Variants in CTNND2 observed in about 807,000 individuals in gnomAD.
The protein encoded by CTNND2 is catenin delta-2.
A neutral mutation model predicts 144.4 loss-of-function variants in CTNND2; 22 were observed. The observed-to-expected ratio is 0.15, with a 90% confidence interval of 0.11 to 0.22. CTNND2 has a LOEUF of 0.22. Among genes scored for constraint, CTNND2 ranks in the 10% least tolerant of loss-of-function variants. The pLI is 1.00. For missense variants in CTNND2, 1,353 were observed against 1,618.8 expected (o/e 0.84, Z 2.82); for synonymous variants, 751 against 695.6 (o/e 1.08, Z -1.25).
At chr5:11,662,044 CATAT>C (rs137864008) in intron 2 of CTNND2, among the ~76,000 whole-genome samples, 1 of 149,758 alleles carries the variant, frequency 6.7e-6, no homozygotes, top group African/African-American at 2.5e-5. Context: ...CACACACACA[CATAT>C]ATATACATAT....
chr5:11,548,081 A>G (rs957694554), intron 3 of CTNND2, among the ~76,000 whole-genome samples: 1 of 152,240 alleles, frequency 6.6e-6, no homozygotes. Context: ...ATGAACTACC[A>G]GCACCCACGA....
At position 11,364,763 on chromosome 5, in the gene CTNND2, C is replaced by T. The variant is rs1756801869; in HGVS notation, c.1305G>A (p.Arg435=). The stretch of plus-strand genomic sequence containing the variant: ...GGTCCCCCTGGCTCTGGCTGAGACT[C>T]CTCATAGGGGGCTTCTGATAGACGC... ...EDRVYQKPPM[R]SLSQSQGDPL... The change falls in exon 8 of 22, where the codon AGG becomes AGA. Residue 435 remains arginine (R), a synonymous_variant. Coordinates refer to ENST00000304623, the MANE Select transcript of CTNND2 (RefSeq NM_001332.4). 2 of 1,613,908 alleles carry T rather than the reference C, an allele frequency of 1.2e-6. No homozygotes were observed. The highest frequency in any genetic ancestry group is 1.7e-6 in the Non-Finnish European group (2 of 1,179,940).
chr5:11,271,569 T>A (rs191384956), intron 9 of CTNND2, among the ~76,000 whole-genome samples: 2 of 152,176 alleles, frequency 1.3e-5, no homozygotes, highest in African/African-American at 4.8e-5. Context: ...ATGTTGAGAA[T>A]ATCGCCCCCT....
chr5:11,681,813 AATT>A (rs1355284060), intron 2 of CTNND2, among the ~76,000 whole-genome samples: 2 of 152,220 alleles, frequency 1.3e-5, no homozygotes, highest in Admixed American at 1.3e-4. Context: ...CAAGTTTACT[AATT>A]ACCTGCTTTG....
At chr5:11,146,521 C>T (rs1757260215) in intron 12 of CTNND2, among the ~76,000 whole-genome samples, 1 of 152,278 alleles carries the variant, frequency 6.6e-6, no homozygotes, top group South Asian at 2.1e-4. Context: ...GAAAAAAAGA[C>T]ATAATATATC....
chr5:11,405,160 G>T (rs1760989435), intron 5 of CTNND2, among the ~76,000 whole-genome samples: 1 of 149,852 alleles, frequency 6.7e-6, no homozygotes, highest in East Asian at 2.0e-4. Flanking sequence ...ACAATTTCAA[G>T]ACCAGGAAAT....
intron 2 of CTNND2, among the ~76,000 whole-genome samples, chr5:11,698,792 A>G (rs1785259025): frequency 6.6e-6 from 1 of 152,066 alleles, no homozygotes; most frequent in Non-Finnish European, 1.5e-5. Context: ...AGTTTAAAGT[A>G]AGAATTGTCC....
At chr5:11,063,839 T>G (rs1747261977) in intron 16 of CTNND2, among the ~76,000 whole-genome samples, 1 of 152,000 alleles carries the variant, frequency 6.6e-6, no homozygotes, top group Non-Finnish European at 1.5e-5. Context: ...CCAAAAGTCT[T>G]TTAGAGAGTT....
intron 2 of CTNND2, among the ~76,000 whole-genome samples, chr5:11,718,993 G>A (rs144701396): frequency 4.5e-4 from 69 of 152,302 alleles, no homozygotes; most frequent in Admixed American, 1.3e-3. Context: ...GAGGAGCACA[G>A]ATTTCCATGG....
At chr5:11,841,235 A>G (rs1794452512) in intron 1 of CTNND2, among the ~76,000 whole-genome samples, 1 of 152,182 alleles carries the variant, frequency 6.6e-6, no homozygotes. Context: ...TTTATTTCTC[A>G]TGCCAGCCCC....
chr5:11,655,906 T>C lies in CTNND2; in HGVS notation c.174+76230A>G, dbSNP rs73059711. Among the ~76,000 whole-genome samples the C allele has an allele frequency of 2.1e-3, 321 of 152,212 alleles. 6 individuals are homozygous for C. The highest frequency in any genetic ancestry group is 7.4e-3 in the African/African-American group (309 of 41,550). ...TCTTTCAATGATGACACACACTCAT[T>C]TGGTTTCTAATACGGGACGTACTGA... On this transcript the variant is annotated intron_variant, in intron 2 of 21. Coordinates refer to ENST00000304623, the MANE Select transcript of CTNND2 (RefSeq NM_001332.4).
At chr5:11,196,068 T>C (rs965964916) in intron 11 of CTNND2, among the ~76,000 whole-genome samples, 5 of 152,238 alleles carry the variant, frequency 3.3e-5, no homozygotes, top group African/African-American at 1.2e-4. Context: ...TAAATGCATG[T>C]AAATATCTCA....
intron 16 of CTNND2, among the ~76,000 whole-genome samples, chr5:11,076,493 T>C (rs1748968111): frequency 1.3e-5 from 2 of 152,344 alleles, no homozygotes; most frequent in Non-Finnish European, 2.9e-5. Context: ...ATTCCTTTTT[T>C]AAACCTTCCA....
chr5:11,456,213 T>C (rs915511332), intron 3 of CTNND2, among the ~76,000 whole-genome samples: 13 of 152,120 alleles, frequency 8.5e-5, no homozygotes, highest in African/African-American at 3.1e-4. Context: ...CTTCTTGATG[T>C]GCCCCAAGGG....
chr5:11,602,721 AT>A, intron 2 of CTNND2, among the ~76,000 whole-genome samples: 1 of 145,044 alleles, frequency 6.9e-6, no homozygotes, highest in Middle Eastern at 3.6e-3. Flanking sequence ...TATATTATAT[AT>A]TTTATATGTA....
chr5:11,148,929 T>C (rs1254079284), intron 12 of CTNND2, among the ~76,000 whole-genome samples: 1 of 152,186 alleles, frequency 6.6e-6, no homozygotes, highest in East Asian at 1.9e-4. Flanking sequence ...TTTCAGCTGC[T>C]TAGGAGTGAC....
intron 10 of CTNND2, among the ~76,000 whole-genome samples, chr5:11,210,999 G>A (rs370993646): frequency 3.0e-4 from 46 of 152,242 alleles, no homozygotes; most frequent in African/African-American, 1.0e-3. Context: ...AGAGGATCTC[G>A]CAATTTTCTA....
intron 1 of CTNND2, among the ~76,000 whole-genome samples, chr5:11,793,099 C>G (rs1368180309): frequency 6.6e-6 from 1 of 152,204 alleles, no homozygotes; most frequent in Non-Finnish European, 1.5e-5. Context: ...ATGTCGATTT[C>G]CACAGATAAA....
In CTNND2 at chr5:11,310,319, T is replaced by C. The variant is rs532628656; in HGVS notation, c.1628+36053A>G. Among the ~76,000 whole-genome samples the C allele has an allele frequency of 2.0e-5, 3 of 152,132 alleles. No homozygotes were observed. The East Asian group carries it at 5.8e-4, about 29-fold the overall frequency. On this transcript the variant is annotated intron_variant, in intron 9 of 21. Coordinates refer to ENST00000304623, the MANE Select transcript of CTNND2 (RefSeq NM_001332.4). ...ACCTAGTAGGTGTTCCAAAAAATCCTTGTTGACTGAGAGAACTGCCATATC... is the reference window on the plus strand; with the variant it reads ...ACCTAGTAGGTGTTCCAAAAAATCCCTGTTGACTGAGAGAACTGCCATATC...
Sources: allele counts gnomAD v4.1 joint callset (sites outside exome capture counted in the v4.1 genomes callset), GRCh38; gene constraint gnomAD v4.1.1; transcripts MANE v1.5; gene names NCBI Gene and HGNC (gene_info 2026-07-23, HGNC 2026-07-21).